Variants in PTPRD observed in about 807,000 individuals in gnomAD.
PTPRD encodes protein tyrosine phosphatase receptor type D, also known as receptor-type tyrosine-protein phosphatase delta.
A neutral mutation model predicts 214.5 loss-of-function variants in PTPRD; 34 were observed. That is an observed-to-expected ratio of 0.16 (90% CI 0.12 to 0.21). The LOEUF is 0.21. PTPRD is among the 10% of genes least tolerant of loss of function. The pLI is 1.00. For synonymous variants in PTPRD, 1,128 were observed against 845.7 expected, an observed-to-expected ratio of 1.33 and a Z score of -5.79; for missense variants, 2,545 against 2,398.7, an observed-to-expected ratio of 1.06 and a Z score of -1.27.
At chr9:8,684,091 A>C (rs1299671822) in intron 12 of PTPRD, among the ~76,000 whole-genome samples, 1 of 149,700 alleles carries the variant, frequency 6.7e-6, no homozygotes, top group African/African-American at 2.6e-5. Flanking sequence ...GGAGCAGCGA[A>C]AAGTCATCTC....
intron 10 of PTPRD, among the ~76,000 whole-genome samples, chr9:9,056,327 C>T (rs2099696160): frequency 6.6e-6 from 1 of 152,128 alleles, no homozygotes; most frequent in Non-Finnish European, 1.5e-5. Flanking sequence ...TCTTAACCTG[C>T]ATCCTCAAAT....
At chr9:10,271,031 C>T (rs958474963) in intron 3 of PTPRD, among the ~76,000 whole-genome samples, 8 of 151,898 alleles carry the variant, frequency 5.3e-5, no homozygotes, top group South Asian at 2.1e-4. Flanking sequence ...TGCTATGTTG[C>T]CCAGGTTGGT....
chr9:10,173,783 A>T (rs2099227541), intron 3 of PTPRD, among the ~76,000 whole-genome samples: 1 of 151,752 alleles, frequency 6.6e-6, no homozygotes, highest in Non-Finnish European at 1.5e-5. Flanking sequence ...ATGCTCTCAC[A>T]GCACACTAGA....
chr9:10,395,915 G>A (rs933417659), intron 2 of PTPRD, among the ~76,000 whole-genome samples: 1 of 151,440 alleles, frequency 6.6e-6, no homozygotes, highest in Non-Finnish European at 1.5e-5. Context: ...AGCAGAGGAA[G>A]AAGAAGGAAG....
chr9:9,285,571 C>T (rs1043367921), intron 9 of PTPRD, among the ~76,000 whole-genome samples: 3 of 151,812 alleles, frequency 2.0e-5, no homozygotes, highest in Non-Finnish European at 2.9e-5. Flanking sequence ...CTAGTGGTCA[C>T]TTTTATTCAG....
intron 21 of PTPRD, among the ~76,000 whole-genome samples, chr9:8,516,903 C>T (rs1261442394): frequency 6.6e-6 from 1 of 150,590 alleles, no homozygotes; most frequent in East Asian, 2.0e-4. Flanking sequence ...ACTCCATCTC[C>T]CAGGTTCAAG....
intron 9 of PTPRD, among the ~76,000 whole-genome samples, chr9:9,204,713 G>C (rs1395448600): frequency 6.6e-6 from 1 of 152,174 alleles, no homozygotes; most frequent in Non-Finnish European, 1.5e-5. Flanking sequence ...AACATAAATA[G>C]TGAATAGATT....
At chr9:9,837,031 T>C (rs2056960366) in intron 5 of PTPRD, among the ~76,000 whole-genome samples, 1 of 152,002 alleles carries the variant, frequency 6.6e-6, no homozygotes, top group Non-Finnish European at 1.5e-5. Flanking sequence ...AATTATATCC[T>C]TATAGGTGCA....
Position 9,965,917 on chromosome 9 carries a change from G to A in PTPRD, c.-471-27307C>T, listed in dbSNP as rs151156286. On this transcript the variant is annotated intron_variant, in intron 4 of 45. Transcript: ENST00000381196. ...TCTTTCCTTAGTGAGCATGTTGTAT[G>A]ATTTAACATATCAACAGATAATTGC... is the stretch of plus-strand genomic sequence containing the variant. Among the ~76,000 whole-genome samples, 108 of 152,298 alleles carry A rather than the reference G, an allele frequency of 7.1e-4. 1 individual carries two copies. In the East Asian group the frequency reaches 0.019, roughly 26 times the overall value.
At chr9:8,653,464 AAC>A (rs1276411043) in intron 12 of PTPRD, among the ~76,000 whole-genome samples, 5 of 152,224 alleles carry the variant, frequency 3.3e-5, no homozygotes, top group African/African-American at 9.6e-5. Context: ...CCATGTTCCA[AAC>A]AGTCAAACAG....
In PTPRD at chr9:10,570,948, G is replaced by T. The variant is rs1002015451; in HGVS notation, c.-600+41450C>A. Among the ~76,000 whole-genome samples, 18 of 151,312 alleles carry T rather than the reference G, an allele frequency of 1.2e-4. No homozygotes were observed. The South Asian group carries it at 3.8e-3, about 32-fold the overall frequency. On this transcript the variant is annotated intron_variant, in intron 2 of 45. Transcript: ENST00000381196. ...GGCTCCTTTACTCCAGAGCATTTTA[G>T]GCGATAGAAATGAAGGCCTCAAACC...
chr9:8,804,790 G>A (rs751294545), intron 11 of PTPRD, among the ~76,000 whole-genome samples: 5 of 152,140 alleles, frequency 3.3e-5, no homozygotes, highest in Non-Finnish European at 7.3e-5. Flanking sequence ...ACTGCGACAT[G>A]ATCCCTAGCC....
At chr9:9,536,392 G>A (rs182921962) in intron 8 of PTPRD, among the ~76,000 whole-genome samples, 1 of 152,028 alleles carries the variant, frequency 6.6e-6, no homozygotes, top group African/African-American at 2.4e-5. Flanking sequence ...ATTTAAAATA[G>A]AATTTGCATA....
intron 6 of PTPRD, among the ~76,000 whole-genome samples, chr9:9,761,201 G>C (rs988809650): frequency 7.9e-5 from 12 of 152,176 alleles, no homozygotes; most frequent in Non-Finnish European, 1.8e-4. Flanking sequence ...ATGGAATGCT[G>C]ATCAAAAATA....
intron 3 of PTPRD, among the ~76,000 whole-genome samples, chr9:10,159,736 C>G (rs538163705): frequency 2.0e-5 from 3 of 151,502 alleles, no homozygotes; most frequent in Admixed American, 6.6e-5. Flanking sequence ...ATTAGAGGCT[C>G]TTAGTAACAG....
chr9:10,443,926 T>C (rs1484394774), intron 2 of PTPRD, among the ~76,000 whole-genome samples: 1 of 151,652 alleles, frequency 6.6e-6, no homozygotes, highest in Admixed American at 6.6e-5. Flanking sequence ...ATTTACTTGT[T>C]GGTGTCTCCT....
chr9:9,706,039 C>T (rs1337957832), intron 7 of PTPRD, among the ~76,000 whole-genome samples: 1 of 152,090 alleles, frequency 6.6e-6, no homozygotes, highest in African/African-American at 2.4e-5. Flanking sequence ...GCAAATTAAT[C>T]ATGAGGATGA....
intron 3 of PTPRD, among the ~76,000 whole-genome samples, chr9:10,205,036 C>A (rs1039718337): frequency 1.0e-5 from 1 of 97,906 alleles, no homozygotes; most frequent in Admixed American, 7.9e-5. Context: ...CTCTGCAAAA[C>A]TTTGCATTAT....
At chr9:8,975,391 C>A (rs956965065) in intron 11 of PTPRD, among the ~76,000 whole-genome samples, 1 of 151,980 alleles carries the variant, frequency 6.6e-6, no homozygotes, top group Non-Finnish European at 1.5e-5. Flanking sequence ...TTGTGTGAAG[C>A]TGGTAATATA....
Sources: allele counts gnomAD v4.1 joint callset (sites outside exome capture counted in the v4.1 genomes callset), GRCh38; gene constraint gnomAD v4.1.1; transcripts MANE v1.5; gene names NCBI Gene and HGNC (gene_info 2026-07-23, HGNC 2026-07-21).